Variants in TMEM41B observed in about 807,000 individuals in gnomAD.
TMEM41B encodes protein stasimon.
A neutral mutation model predicts 31.9 loss-of-function variants in TMEM41B; 18 were observed. The observed-to-expected ratio is 0.56, with a 90% CI of 0.39 to 0.84. TMEM41B has a LOEUF of 0.84. TMEM41B is among the 40% of genes least tolerant of loss of function. The probability of loss-of-function intolerance (pLI) is 0.00; values close to 1 mark genes in which losing one functional copy is unlikely to be tolerated. For synonymous variants in TMEM41B, 144 were observed against 124.3 expected, an observed-to-expected ratio of 1.16 and a Z score of -1.05; for missense variants, 322 against 348.0, an observed-to-expected ratio of 0.93 and a Z score of 0.59.
intron 2 of TMEM41B, among the ~76,000 whole-genome samples, chr11:9,297,716 T>A (rs965295093): frequency 2.6e-5 from 4 of 151,966 alleles, no homozygotes; most frequent in Admixed American, 2.6e-4. Context: ...TAAAGTTTTT[T>A]ATACAGATGG....
In TMEM41B at chr11:9,314,521, C is replaced by G. The variant is rs1294969317; in HGVS notation, c.-80G>C. ...CTCTGTTGCAGGCTCCTTACTACGC[C>G]GAAGCGCCACGGCTAGAGCCACTTC... On this transcript the variant is annotated 5_prime_UTR_variant, in exon 1 of 7. Transcript: ENST00000528080. 2.7e-6 allele frequency: 4 copies of G among 1,467,284 alleles called. No individual in the cohort carries two copies. The East Asian group carries it at 7.8e-5, about 29-fold the overall frequency. The allele number at this position is 1,467,284 out of a possible 1,614,324, so 90.9% of individuals were successfully genotyped here. A position where few individuals can be genotyped will look rare whatever the true frequency, so the allele number is the denominator to read the frequency against.
chr11:9,301,385 T>A (rs1039287576), intron 1 of TMEM41B, among the ~76,000 whole-genome samples: 7 of 152,126 alleles, frequency 4.6e-5, no homozygotes, highest in Non-Finnish European at 8.8e-5. Flanking sequence ...AAATGTATAC[T>A]ATAATTCAGA....
intron 1 of TMEM41B, chr11:9,311,820 T>C: frequency 3.8e-6 from 2 of 529,850 alleles, no homozygotes; most frequent in Non-Finnish European, 6.8e-6. Context: ...CCGTGTTACC[T>C]CTGCCTTACT....
chr11:9,288,450 CAAGAAAT>C lies in TMEM41B; in HGVS notation c.447_453del (p.Leu151ValfsTer17). 6.3e-7 allele frequency: 1 copy of C among 1,576,278 alleles called. No individual in the cohort carries two copies. Among genetic ancestry groups the C allele is most frequent in the Non-Finnish European group, 8.6e-7 (1 of 1,166,268 alleles). On this transcript the variant is annotated frameshift_variant, in exon 4 of 7. Coordinates refer to ENST00000528080, the MANE Select transcript of TMEM41B (RefSeq NM_015012.4). LOFTEE classifies it high-confidence loss of function. ...TATTTTTTCATACTTACCAAACAAA[CAAGAAAT>C]AAGGCTAGTGGAAAGGGATAAAGAA... is the stretch of plus-strand genomic sequence containing the variant.
chr11:9,308,901 G>A (rs1000764729), intron 1 of TMEM41B, among the ~76,000 whole-genome samples: 4 of 152,160 alleles, frequency 2.6e-5, no homozygotes, highest in Admixed American at 6.5e-5. Context: ...GAAGCTTCAA[G>A]GGGAACCAAA....
At chr11:9,293,530 T>C (rs1028334082) in intron 3 of TMEM41B, among the ~76,000 whole-genome samples, 1 of 152,242 alleles carries the variant, frequency 6.6e-6, no homozygotes, top group Non-Finnish European at 1.5e-5. Flanking sequence ...CTTATCTGTA[T>C]ATTGTGAGTT....
At chr11:9,303,231 C>T (rs1853299143) in intron 1 of TMEM41B, among the ~76,000 whole-genome samples, 1 of 152,012 alleles carries the variant, frequency 6.6e-6, no homozygotes, top group Non-Finnish European at 1.5e-5. Flanking sequence ...ATTGGCCAGG[C>T]TGGTCCAAGT....
chr11:9,287,668 A>C, intron 5 of TMEM41B, 34 bp downstream of exon 5: 1 of 1,463,856 alleles, frequency 6.8e-7, no homozygotes, highest in Non-Finnish European at 9.5e-7. Context: ...ATTAACAAAG[A>C]GTTACATCAA....
At chr11:9,303,352 C>A (rs757437532) in intron 1 of TMEM41B, among the ~76,000 whole-genome samples, 6 of 152,070 alleles carry the variant, frequency 3.9e-5, no homozygotes, top group Non-Finnish European at 7.4e-5. Flanking sequence ...GTTAGCCAGG[C>A]TGGTCTTGAA....
rs1852725945 is a variant in TMEM41B at position 9,281,898 on chromosome 11, A to T, written c.*1526T>A. On this transcript the variant is annotated 3_prime_UTR_variant, in exon 7 of 7. Transcript: ENST00000528080. ...ATATTATTAAATATATTCCTTAATG[A>T]CCAGATTAATAAATGAGGTAAAATT... 6.6e-6 allele frequency: 1 copy of T among 152,214 alleles called. No individual in the cohort carries two copies. The highest frequency in any genetic ancestry group is 2.4e-5 in the African/African-American group (1 of 41,460). The allele number at this position is 152,214 out of a possible 1,614,324, so 9.4% of individuals were successfully genotyped here.
intron 1 of TMEM41B, among the ~76,000 whole-genome samples, chr11:9,312,724 T>G (rs1034938173): frequency 2.0e-5 from 3 of 151,892 alleles, no homozygotes; most frequent in African/African-American, 7.3e-5. Flanking sequence ...GCTAACAAGG[T>G]GAAACCCCAT....
intron 5 of TMEM41B, 64 bp from the exon 6 acceptor site, chr11:9,286,657 T>A: frequency 6.8e-7 from 1 of 1,466,660 alleles, no homozygotes; most frequent in Non-Finnish European, 9.2e-7. Flanking sequence ...TTGCTTAATA[T>A]AAACACCTTA....
chr11:9,297,252 T>G (rs1853119791), intron 2 of TMEM41B, among the ~76,000 whole-genome samples: 1 of 152,132 alleles, frequency 6.6e-6, no homozygotes, highest in Non-Finnish European at 1.5e-5. Context: ...GCCCAGCTAA[T>G]TTTTTTATTT....
Position 9,299,629 on chromosome 11 carries a change from G to A in TMEM41B, c.194C>T (p.Ala65Val), listed in dbSNP as rs375761253. Residue 65 changes from alanine to valine, a missense_variant, in exon 2 of 7, where the codon GCT becomes GTT. Ala to Val is a moderately conservative substitution (Grantham distance 64). Coordinates refer to ENST00000528080, the MANE Select transcript of TMEM41B (RefSeq NM_015012.4). The part of the protein sequence containing the change: ...LILVSIFLSA[A>V]FVMFLVYKNF... ...TTTATATACCAAAAACATAACAAAA[G>A]CTGCAGATAAGAAAATGGACACCAA... The A allele has an allele frequency of 1.2e-6, 2 of 1,613,240 alleles. No individual in the cohort carries two copies. The highest frequency in any genetic ancestry group is 1.3e-5 in the African/African-American group (1 of 74,836).
At chr11:9,299,816 G>T in intron 1 of TMEM41B, 115 bp from the exon 2 acceptor site, 4 of 812,422 alleles carry the variant, frequency 4.9e-6, no homozygotes, top group Non-Finnish European at 6.1e-6. Flanking sequence ...CTAAAATGAT[G>T]TGACATTAAA....
At chr11:9,290,269 C>T (rs897331006) in intron 3 of TMEM41B, among the ~76,000 whole-genome samples, 3 of 151,992 alleles carry the variant, frequency 2.0e-5, no homozygotes, top group Non-Finnish European at 4.4e-5. Flanking sequence ...CCCAGCTACT[C>T]GGGAAGCCAA....
chr11:9,304,871 T>C (rs985821522), intron 1 of TMEM41B, among the ~76,000 whole-genome samples: 1 of 152,146 alleles, frequency 6.6e-6, no homozygotes, highest in Non-Finnish European at 1.5e-5. Flanking sequence ...TTGGCCAGGA[T>C]GGTCTTGATC....
chr11:9,285,812 C>CAAAAAAAA (rs59531093), intron 6 of TMEM41B, among the ~76,000 whole-genome samples: 1 of 70,658 alleles, frequency 1.4e-5, no homozygotes. Flanking sequence ...GCAACATTTA[C>CAAAAAAAA]AAAAAAAAAA....
intron 2 of TMEM41B, among the ~76,000 whole-genome samples, chr11:9,295,875 T>G (rs1853073403): frequency 6.7e-6 from 1 of 149,562 alleles, no homozygotes; most frequent in African/African-American, 2.5e-5. Context: ...ATTATTTTTT[T>G]TGACACAGTC....
Sources: allele counts gnomAD v4.1 joint callset (sites outside exome capture counted in the v4.1 genomes callset), GRCh38; gene constraint gnomAD v4.1.1; transcripts MANE v1.5; gene names NCBI Gene and HGNC (gene_info 2026-07-23, HGNC 2026-07-21).